The following ZBTB44 variants were observed in gnomAD, a reference collection of about 807,000 sequenced individuals.
ZBTB44 encodes zinc finger and BTB domain containing 44, also known as zinc finger and BTB domain-containing protein 44.
In ZBTB44, 15 loss-of-function variants were observed where a neutral mutation model predicts 54.0. The ratio of observed to expected loss-of-function variants is 0.28; its 90% CI spans 0.19 to 0.43. The LOEUF is 0.43. ZBTB44 is among the 20% of genes least tolerant of loss of function. ZBTB44 has a pLI of 1.00. For missense variants in ZBTB44, 487 were observed against 707.1 expected, an observed-to-expected ratio of 0.69 and a Z score of 3.53; for synonymous variants, 230 against 250.1, an observed-to-expected ratio of 0.92 and a Z score of 0.76.
rs187995929 is a variant in ZBTB44 at position 130,254,032 on chromosome 11, T to C, written c.1018+6824A>G. On this transcript the variant is annotated intron_variant, in intron 2 of 7. Transcript: ENST00000357899. ...CTAGCCATATGTAGAAAGGTGAAACTGGATCCCTTCCTTACACATTATACA... is the reference window on the plus strand; with the variant it reads ...CTAGCCATATGTAGAAAGGTGAAACCGGATCCCTTCCTTACACATTATACA... Among the ~76,000 whole-genome samples the C allele has an allele frequency of 2.8e-3, 432 of 152,360 alleles. 1 individual carries two copies. Among genetic ancestry groups the C allele is most frequent in the Non-Finnish European group, 4.4e-3 (298 of 68,032 alleles).
chr11:130,258,692 A>G (rs1345516668), intron 2 of ZBTB44, among the ~76,000 whole-genome samples: 1 of 152,254 alleles, frequency 6.6e-6, no homozygotes, highest in Non-Finnish European at 1.5e-5. Context: ...ACAGACTAGC[A>G]GAAGTTTTTT....
intron 1 of ZBTB44, among the ~76,000 whole-genome samples, chr11:130,274,427 T>C (rs1019664541): frequency 7.2e-5 from 11 of 152,218 alleles, no homozygotes; most frequent in Admixed American, 6.5e-5. Context: ...CAGATATCCT[T>C]GTCTTGTTCC....
chr11:130,245,728 G>T (rs984990380), intron 2 of ZBTB44, among the ~76,000 whole-genome samples: 2 of 143,504 alleles, frequency 1.4e-5, no homozygotes, highest in Non-Finnish European at 1.5e-5. Context: ...TTGTGAGAAG[G>T]GTAGGCCAAG....
intron 1 of ZBTB44, among the ~76,000 whole-genome samples, chr11:130,292,797 T>C (rs917669930): frequency 6.6e-6 from 1 of 152,208 alleles, no homozygotes; most frequent in African/African-American, 2.4e-5. Context: ...TAAACTTACA[T>C]GGAAAATGTA....
At chr11:130,244,821 C>T (rs1954573686) in intron 2 of ZBTB44, among the ~76,000 whole-genome samples, 1 of 152,056 alleles carries the variant, frequency 6.6e-6, no homozygotes, top group Non-Finnish European at 1.5e-5. Flanking sequence ...ACTTAAGTTT[C>T]CCTCTTTGGA....
intron 1 of ZBTB44, among the ~76,000 whole-genome samples, chr11:130,292,082 T>C (rs1031505285): frequency 6.6e-6 from 1 of 152,244 alleles, no homozygotes; most frequent in Non-Finnish European, 1.5e-5. Flanking sequence ...TCATCCATGC[T>C]GTTGAGCGTA....
chr11:130,288,152 C>T (rs897211216), intron 1 of ZBTB44, among the ~76,000 whole-genome samples: 1 of 152,062 alleles, frequency 6.6e-6, no homozygotes, highest in African/African-American at 2.4e-5. Context: ...GCAGGCAGAT[C>T]ACCTGAGGTC....
At chr11:130,282,458 T>C (rs1195977789) in intron 1 of ZBTB44, among the ~76,000 whole-genome samples, 1 of 152,250 alleles carries the variant, frequency 6.6e-6, no homozygotes, top group African/African-American at 2.4e-5. Flanking sequence ...CACAATGTAC[T>C]ACTGTGTCAA....
chr11:130,261,066 C>G lies in ZBTB44; in HGVS notation c.808G>C (p.Val270Leu), dbSNP rs375077362. Residue 270 changes from valine to leucine, a missense_variant, in exon 2 of 8, where the codon GTG becomes CTG. Around this residue, in one of 3 missense-constraint regions of ZBTB44, gnomAD observed 277 missense variants for 306.5 expected, o/e 0.90. Coordinates refer to ENST00000357899, the MANE Select transcript of ZBTB44 (RefSeq NM_001301098.2). This position sits in a 1 kb window ranked among gnomAD's most constrained non-coding sequence, Gnocchi z 4.8. ...GTAGTTTTTGTGCTCTCACAAGTCA[C>G]ATAATCAGCCATTCTTCTACCGGTC... ...SETGRRMADY[V>L]TCESTKTTLP... 3.7e-6 allele frequency: 6 copies of G among 1,614,012 alleles called. No homozygotes were observed. The highest frequency in any genetic ancestry group is 2.2e-5 in the East Asian group (1 of 44,878).
intron 1 of ZBTB44, among the ~76,000 whole-genome samples, chr11:130,274,690 G>T (rs1234796273): frequency 6.6e-6 from 1 of 152,020 alleles, no homozygotes; most frequent in African/African-American, 2.4e-5. Flanking sequence ...TTGGCAACCT[G>T]GAAAAAATCC....
chr11:130,312,759 G>A (rs1942688900), intron 1 of ZBTB44, among the ~76,000 whole-genome samples: 1 of 152,194 alleles, frequency 6.6e-6, no homozygotes, highest in Non-Finnish European at 1.5e-5. Flanking sequence ...ACAACTGGGG[G>A]CAGAACCCTC....
At chr11:130,280,715 A>C (rs1366627772) in intron 1 of ZBTB44, among the ~76,000 whole-genome samples, 2 of 152,174 alleles carry the variant, frequency 1.3e-5, no homozygotes, top group South Asian at 2.1e-4. Context: ...AAATCACCAA[A>C]CTTCTTTACG....
At position 130,290,844 on chromosome 11, in the gene ZBTB44, C is replaced by G. The variant is rs144970272; in HGVS notation, c.-57+23531G>C. ...CAGAGAATTAAATGACTTGGCTAAG[C>G]TTACAGGGCTAGTAACAGCAACTTA... is the stretch of plus-strand genomic sequence containing the variant. On this transcript the variant is annotated intron_variant, in intron 1 of 7. Transcript: ENST00000357899. Among the ~76,000 whole-genome samples the G allele has an allele frequency of 8.7e-3, 1,319 of 152,302 alleles. 9 individuals are homozygous for G. The highest frequency in any genetic ancestry group is 0.022 in the African/African-American group (895 of 41,576).
At chr11:130,313,458 T>G (rs1942742124) in intron 1 of ZBTB44, among the ~76,000 whole-genome samples, 1 of 152,220 alleles carries the variant, frequency 6.6e-6, no homozygotes, top group South Asian at 2.1e-4. Flanking sequence ...GGTAAAATTA[T>G]TATTAATCCA....
chr11:130,230,327 G>C lies in ZBTB44; in HGVS notation c.*1437C>G, dbSNP rs957617421. 1 of 150,944 alleles carries C rather than the reference G, an allele frequency of 6.6e-6. No homozygotes were observed. The highest frequency in any genetic ancestry group is 3.5e-3 in the Middle Eastern group (1 of 284). The allele number at this position is 150,944 out of a possible 1,614,324, so 9.4% of individuals were successfully genotyped here. On this transcript the variant is annotated 3_prime_UTR_variant, in exon 8 of 8. Coordinates refer to ENST00000357899, the MANE Select transcript of ZBTB44 (RefSeq NM_001301098.2). ...GTCTCCTGAACCAGCCTATTAGTTAGAAGGTAACTGAGTTACCAATAATTA... is the reference window on the plus strand; with the variant it reads ...GTCTCCTGAACCAGCCTATTAGTTACAAGGTAACTGAGTTACCAATAATTA...
chr11:130,305,906 A>G (rs1942239218), intron 1 of ZBTB44, among the ~76,000 whole-genome samples: 1 of 152,140 alleles, frequency 6.6e-6, no homozygotes, highest in South Asian at 2.1e-4. Flanking sequence ...GCAAAAACAA[A>G]CGAACAAACA....
intron 1 of ZBTB44, among the ~76,000 whole-genome samples, chr11:130,282,835 T>A (rs1031110886): frequency 3.3e-5 from 5 of 152,126 alleles, no homozygotes; most frequent in Non-Finnish European, 7.4e-5. Context: ...CACACCTCCC[T>A]GGGCAAGGAG....
chr11:130,244,858 C>G (rs1954575231), intron 2 of ZBTB44, among the ~76,000 whole-genome samples: 1 of 152,054 alleles, frequency 6.6e-6, no homozygotes, highest in Non-Finnish European at 1.5e-5. Context: ...CATTAGGAAA[C>G]AGGTACATCA....
intron 1 of ZBTB44, among the ~76,000 whole-genome samples, chr11:130,268,907 A>AG (rs1939467415): frequency 6.6e-6 from 1 of 151,592 alleles, no homozygotes; most frequent in Admixed American, 6.6e-5. Context: ...GAGAGAGAGA[A>AG]AAAAAGAAAA....
Sources: allele counts gnomAD v4.1 joint callset (sites outside exome capture counted in the v4.1 genomes callset), GRCh38; gene constraint gnomAD v4.1.1; regional missense constraint gnomAD v4.1.1; non-coding constraint Gnocchi (gnomAD v3.1); transcripts MANE v1.5; gene names NCBI Gene and HGNC (gene_info 2026-07-23, HGNC 2026-07-21).